GNB5: variants seen among roughly 807,000 people sequenced by gnomAD.
The protein encoded by GNB5 is guanine nucleotide-binding protein subunit beta-5.
In GNB5, 37 loss-of-function variants were observed where a neutral mutation model predicts 55.3. The observed-to-expected ratio is 0.67, with a 90% CI of 0.51 to 0.88. GNB5 has a LOEUF of 0.88. Among genes scored for constraint, GNB5 ranks in the 40% least tolerant of loss-of-function variants. GNB5 has a pLI of 0.00. For missense variants in GNB5, 476 were observed against 515.3 expected, an observed-to-expected ratio of 0.92 and a Z score of 0.74; for synonymous variants, 219 against 198.5, an observed-to-expected ratio of 1.10 and a Z score of -0.87.
In GNB5 at chr15:52,128,339, C is replaced by T. The variant is rs2033480758; in HGVS notation, c.864-95G>A. 9 of 810,928 alleles carry T rather than the reference C, an allele frequency of 1.1e-5. No homozygotes were observed. The East Asian group carries it at 2.2e-4, about 20-fold the overall frequency. The allele number at this position is 810,928 out of a possible 1,614,324, so 50.2% of individuals were successfully genotyped here. On this transcript the variant is annotated intron_variant, in intron 9 of 12. Transcript: ENST00000261837. Reference sequence around the variant, plus strand: ...GCCCTTGGAATCAGAATCTCTATTTCTAGGGACTCAAGGAACATTTGCAGC... The same window carrying T: ...GCCCTTGGAATCAGAATCTCTATTTTTAGGGACTCAAGGAACATTTGCAGC...
chr15:52,178,443 T>G (rs1260788862), intron 3 of GNB5, among the ~76,000 whole-genome samples: 2 of 152,156 alleles, frequency 1.3e-5, no homozygotes, highest in South Asian at 2.1e-4. Context: ...GAAGTGATGT[T>G]TGGAGCTGTG....
In GNB5 at chr15:52,149,907, A is replaced by T; in HGVS notation, c.394T>A (p.Trp132Arg). 6.2e-7 allele frequency: 1 copy of T among 1,612,450 alleles called. No individual in the cohort carries two copies. Among genetic ancestry groups the T allele is most frequent in the Non-Finnish European group, 8.5e-7 (1 of 1,178,490 alleles). ...ACCTTGTTTGTGGTGAAGGAATCCC[A>T]CACGATCACCTTCCCATCCTGGAGG... is the stretch of plus-strand genomic sequence containing the variant. ...SSSQDGKVIV[W>R]DSFTTNKEHA... The change falls in exon 5 of 13, where the codon TGG becomes AGG. Residue 132 changes from tryptophan to arginine, a missense_variant. Physicochemically the swap from Trp to Arg is moderately radical, Grantham distance 101. Coordinates refer to ENST00000261837, the MANE Select transcript of GNB5 (RefSeq NM_016194.4).
At chr15:52,187,586 T>C (rs1002414159) in intron 1 of GNB5, among the ~76,000 whole-genome samples, 1 of 152,094 alleles carries the variant, frequency 6.6e-6, no homozygotes, top group Admixed American at 6.6e-5. Flanking sequence ...AGAGGCAATG[T>C]TTTTCTTCTC....
chr15:52,144,351 A>G lies in GNB5; in HGVS notation c.495-3079T>C, dbSNP rs1042605569. 5 of 152,368 alleles carry G rather than the reference A, an allele frequency of 3.3e-5. 1 individual carries two copies. Among genetic ancestry groups the G allele is most frequent in the African/African-American group, 2.4e-5 (1 of 41,588 alleles). The allele number at this position is 152,368 out of a possible 1,614,324, so 9.4% of individuals were successfully genotyped here. A position where few individuals can be genotyped will look rare whatever the true frequency, so the allele number is the denominator to read the frequency against. On this transcript the variant is annotated intron_variant, in intron 6 of 12. Coordinates refer to ENST00000261837, the MANE Select transcript of GNB5 (RefSeq NM_016194.4). ...TCTGTAATTTAGAACTGCATATCTA[A>G]TATTTCAATATTGGATATTGACAGA... is the stretch of plus-strand genomic sequence containing the variant.
At chr15:52,174,563 G>A (rs536261595) in intron 3 of GNB5, among the ~76,000 whole-genome samples, 1 of 152,294 alleles carries the variant, frequency 6.6e-6, no homozygotes, top group Non-Finnish European at 1.5e-5. Flanking sequence ...TGTTGGCCAA[G>A]GGTCTGGCTT....
chr15:52,146,356 G>A (rs1272888460), intron 6 of GNB5, among the ~76,000 whole-genome samples: 1 of 152,146 alleles, frequency 6.6e-6, no homozygotes, highest in Non-Finnish European at 1.5e-5. Context: ...AATTATGTCG[G>A]TTTCAGTTCT....
chr15:52,137,394 G>A, intron 7 of GNB5: 1 of 1,010,516 alleles, frequency 9.9e-7, no homozygotes, highest in Non-Finnish European at 1.2e-6. Flanking sequence ...GAAGGGGAGA[G>A]ACAAACTCCA....
At chr15:52,134,686 C>G (rs2033657658) in intron 8 of GNB5, among the ~76,000 whole-genome samples, 1 of 152,192 alleles carries the variant, frequency 6.6e-6, no homozygotes, top group Admixed American at 6.5e-5. Context: ...GCCTGGCTCC[C>G]AGGATCGATA....
chr15:52,117,669 G>A lies in GNB5; in HGVS notation c.*5088C>T, dbSNP rs2033173046. 1 of 152,378 alleles carries A rather than the reference G, an allele frequency of 6.6e-6. No individual in the cohort carries two copies. Among genetic ancestry groups the A allele is most frequent in the African/African-American group, 2.4e-5 (1 of 41,478 alleles). The allele number at this position is 152,378 out of a possible 1,614,324, so 9.4% of individuals were successfully genotyped here. A position where few individuals can be genotyped will look rare whatever the true frequency, so the allele number is the denominator to read the frequency against. On this transcript the variant is annotated 3_prime_UTR_variant, in exon 13 of 13. Transcript: ENST00000261837. ...GTCTAGAAGCAGGAGTCTGTGGTAT[G>A]TCTGGAAGAGTGACCCAATTCTCTC... is the stretch of plus-strand genomic sequence containing the variant.
chr15:52,117,102 A>ATATATATATATATT lies in GNB5; in HGVS notation c.*5654_*5655insAATATATATATATA. On this transcript the variant is annotated 3_prime_UTR_variant, in exon 13 of 13. Coordinates refer to ENST00000261837, the MANE Select transcript of GNB5 (RefSeq NM_016194.4). Reference sequence around the variant, plus strand: ...CCACGCCCAGCTAATATATATATATATTTTTTTTTAGTACAGACAGGGTTT... The same window carrying ATATATATATATATT: ...CCACGCCCAGCTAATATATATATATATATATATATATATTTTTTTTTTTAGTACAGACAGGGTTT... 1 of 87,100 alleles carries ATATATATATATATT rather than the reference A, an allele frequency of 1.1e-5. No individual in the cohort carries two copies. Among genetic ancestry groups the ATATATATATATATT allele is most frequent in the Non-Finnish European group, 2.2e-5 (1 of 46,202 alleles). The allele number at this position is 87,100 out of a possible 1,614,324, so 5.4% of individuals were successfully genotyped here.
Position 52,115,896 on chromosome 15 carries a change from T to G in GNB5, c.*6861A>C, listed in dbSNP as rs2033134582. ...TTTTTGTCTTTATGAGTTTGCTTAT[T>G]AGGACCTTTCATATACATGGAATCC... On this transcript the variant is annotated 3_prime_UTR_variant, in exon 13 of 13. Coordinates refer to ENST00000261837, the MANE Select transcript of GNB5 (RefSeq NM_016194.4). 6.6e-6 allele frequency: 1 copy of G among 152,222 alleles called. No individual in the cohort carries two copies. The highest frequency in any genetic ancestry group is 1.5e-5 in the Non-Finnish European group (1 of 68,030). 9.4% of individuals were successfully genotyped at this position (152,222 alleles called of 1,614,324 possible). A position where few individuals can be genotyped will look rare whatever the true frequency, so the allele number is the denominator to read the frequency against.
intron 3 of GNB5, among the ~76,000 whole-genome samples, chr15:52,171,093 CAA>C (rs58181494): frequency 6.9e-5 from 5 of 72,620 alleles, no homozygotes; most frequent in African/African-American, 1.2e-4. Flanking sequence ...ACTCTATCTC[CAA>C]AAAAAAAAAA....
At chr15:52,136,121 C>CAT (rs2033709566) in intron 7 of GNB5, among the ~76,000 whole-genome samples, 1 of 66,176 alleles carries the variant, frequency 1.5e-5, no homozygotes, top group African/African-American at 6.4e-5. Flanking sequence ...AAAACACACA[C>CAT]ACACACACAC....
In GNB5 at chr15:52,177,937, C is replaced by T. The variant is rs564617469; in HGVS notation, c.238+1831G>A. ...GGCCCTAGCTTTTGAGGGCACCACA[C>T]TCTTGGCAGGACAAAAAAAAGTTTC... On this transcript the variant is annotated intron_variant, in intron 3 of 12. Transcript: ENST00000261837. 1.1e-3 allele frequency among the ~76,000 whole-genome samples: 162 copies of T among 152,314 alleles called. 3 individuals carry two copies. The highest frequency in any genetic ancestry group is 3.8e-3 in the African/African-American group (156 of 41,558).
intron 5 of GNB5, among the ~76,000 whole-genome samples, chr15:52,148,335 G>T (rs1220034417): frequency 6.6e-6 from 1 of 152,204 alleles, no homozygotes; most frequent in African/African-American, 2.4e-5. Flanking sequence ...GGTCAGGGGA[G>T]GGGAGGGTGA....
intron 9 of GNB5, among the ~76,000 whole-genome samples, chr15:52,130,119 G>A (rs1003290117): frequency 6.6e-6 from 1 of 152,182 alleles, no homozygotes; most frequent in Non-Finnish European, 1.5e-5. Flanking sequence ...TAGGAAATGG[G>A]TTGCGAAGAC....
intron 6 of GNB5, among the ~76,000 whole-genome samples, chr15:52,143,010 C>T (rs1215161361): frequency 6.6e-6 from 1 of 152,048 alleles, no homozygotes. Flanking sequence ...CAAAAATTAG[C>T]TGGGCAAGGT....
Position 52,180,910 on chromosome 15 carries a change from G to T in GNB5, c.127-1031C>A, listed in dbSNP as rs867675649. 2.1e-4 allele frequency: 32 copies of T among 152,244 alleles called. 1 individual carries two copies. Among genetic ancestry groups the T allele is most frequent in the African/African-American group, 7.5e-4 (31 of 41,424 alleles). 9.4% of individuals were successfully genotyped at this position (152,244 alleles called of 1,614,324 possible). Reference sequence around the variant, plus strand: ...AGAAAGACTGAGTAATTGCTCAGGGGGCATGCTCCAAGAAAGAGGGAGAGA... The same window carrying T: ...AGAAAGACTGAGTAATTGCTCAGGGTGCATGCTCCAAGAAAGAGGGAGAGA... On this transcript the variant is annotated intron_variant, in intron 2 of 12. Transcript: ENST00000261837.
At position 52,133,763 on chromosome 15, in the gene GNB5, G is replaced by A. The variant is rs2914782; in HGVS notation, c.772-294C>T. 0.024 allele frequency among the ~76,000 whole-genome samples: 3,584 copies of A among 152,200 alleles called. 163 individuals carry two copies. Among genetic ancestry groups the A allele is most frequent in the African/African-American group, 0.082 (3,424 of 41,510 alleles). Reference sequence around the variant, plus strand: ...AGGCAAACCCTCCTTACCCTCCCCCGGGCATCTCCCTTCCTTTCATTTTTC... The same window carrying A: ...AGGCAAACCCTCCTTACCCTCCCCCAGGCATCTCCCTTCCTTTCATTTTTC... On this transcript the variant is annotated intron_variant, in intron 8 of 12. Coordinates refer to ENST00000261837, the MANE Select transcript of GNB5 (RefSeq NM_016194.4).
Sources: gnomAD v4.1 joint callset for allele counts (sites outside exome capture counted in the v4.1 genomes callset) on GRCh38, gnomAD v4.1.1 for gene constraint, MANE v1.5 for transcripts, NCBI Gene and HGNC (gene_info 2026-07-23, HGNC 2026-07-21) for gene names.